Variants in SCIN observed in about 807,000 individuals in gnomAD.
The protein encoded by SCIN is scinderin, also known as adseverin.
SCIN carries 91 observed loss-of-function variants against 91.8 expected under a neutral mutation model. The observed-to-expected ratio is 0.99, with a 90% CI of 0.84 to 1.18. SCIN has a LOEUF of 1.18. Among genes scored for constraint, SCIN ranks in the 50% most tolerant of loss-of-function variants. The pLI is 0.00. For missense variants in SCIN, 1,087 were observed against 863.9 expected, an observed-to-expected ratio of 1.26 and a Z score of -3.24; for synonymous variants, 367 against 312.6, an observed-to-expected ratio of 1.17 and a Z score of -1.84.
At chr7:12,610,848 T>G (rs1405780559) in intron 4 of SCIN, among the ~76,000 whole-genome samples, 1 of 152,180 alleles carries the variant, frequency 6.6e-6, no homozygotes, top group Non-Finnish European at 1.5e-5. Context: ...GTCCCACATA[T>G]TAGGCAGATG....
chr7:12,651,875 T>G lies in SCIN; in HGVS notation c.1994T>G (p.Val665Gly), dbSNP rs780263354. Residue 665 changes from valine (V) to glycine (G), a missense_variant, in exon 15 of 16, where the codon GTT becomes GGT. Val to Gly is a moderately radical substitution (Grantham distance 109, BLOSUM62 -3). Coordinates refer to ENST00000297029, the MANE Select transcript of SCIN (RefSeq NM_001112706.3). The surrounding 1 kb of genome is among the most constrained non-coding windows in gnomAD (Gnocchi z 5.9). ...FIWIGKDANE[V>G]EKKESLKSAK... ...TGGATTGGCAAAGATGCTAATGAAG[T>G]TGAGAAAAAAGAATCTCTGAAGTCT... is the stretch of plus-strand genomic sequence containing the variant. 1 of 1,602,928 alleles carries G rather than the reference T, an allele frequency of 6.2e-7. No individual in the cohort carries two copies. Among genetic ancestry groups the G allele is most frequent in the East Asian group, 2.2e-5 (1 of 44,720 alleles).
chr7:12,648,595 C>A (rs2115302608), intron 13 of SCIN, among the ~76,000 whole-genome samples: 1 of 152,136 alleles, frequency 6.6e-6, no homozygotes, highest in Admixed American at 6.5e-5. Context: ...ACGCCCAGCC[C>A]TATTGACTTT....
chr7:12,605,054 T>C (rs1562610078), intron 4 of SCIN, among the ~76,000 whole-genome samples: 1 of 152,230 alleles, frequency 6.6e-6, no homozygotes, highest in East Asian at 1.9e-4. Context: ...TTTTTTGTTT[T>C]TTTGTTTTTG....
chr7:12,639,412 A>C (rs1783814400), intron 10 of SCIN, among the ~76,000 whole-genome samples: 1 of 152,232 alleles, frequency 6.6e-6, no homozygotes, highest in Admixed American at 6.5e-5. Flanking sequence ...ATGTATATGC[A>C]TGTAATGAGT....
Position 12,588,845 on chromosome 7 carries a change from A to T in SCIN, c.516+7624A>T, listed in dbSNP as rs1295738183. 6.3e-4 allele frequency: 13 copies of T among 20,562 alleles called. 1 individual carries two copies. Among genetic ancestry groups the T allele is most frequent in the African/African-American group, 7.2e-4 (3 of 4,156 alleles). The allele number at this position is 20,562 out of a possible 1,614,324, so 1.3% of individuals were successfully genotyped here. A position where few individuals can be genotyped will look rare whatever the true frequency, so the allele number is the denominator to read the frequency against. On this transcript the variant is annotated intron_variant, in intron 3 of 15. Coordinates refer to ENST00000297029, the MANE Select transcript of SCIN (RefSeq NM_001112706.3). ...GGTGCGGGGGCGGGTGGGAAGGGGG[A>T]GGGGTTCTGGTGCAACTTGTTCCTA...
intron 3 of SCIN, among the ~76,000 whole-genome samples, chr7:12,603,218 C>T (rs1405748587): frequency 6.6e-6 from 1 of 152,042 alleles, no homozygotes; most frequent in Non-Finnish European, 1.5e-5. Context: ...GATCTCCGCT[C>T]ACTGCAAGCT....
Position 12,657,172 on chromosome 7 carries a change from C to T in SCIN, c.*4457C>T, listed in dbSNP as rs1352461632. ...ATCCCACTCCATGGTGTGTACCCAA[C>T]AAAAATGCATACATGTGTGTACTAA... On this transcript the variant is annotated 3_prime_UTR_variant, in exon 16 of 16. Transcript: ENST00000297029. 7.0e-6 allele frequency: 1 copy of T among 143,838 alleles called. No homozygotes were observed. Among genetic ancestry groups the T allele is most frequent in the African/African-American group, 2.6e-5 (1 of 39,178 alleles). 8.9% of individuals were successfully genotyped at this position (143,838 alleles called of 1,614,324 possible).
chr7:12,625,162 A>G lies in SCIN; in HGVS notation c.892+20A>G. 6.3e-7 allele frequency: 1 copy of G among 1,599,348 alleles called. No homozygotes were observed. Among genetic ancestry groups the G allele is most frequent in the Non-Finnish European group, 8.5e-7 (1 of 1,172,644 alleles). ...GGAAAGGTAAAAAATTCCATTGACG[A>G]TGCTGTATTTCAGATTTATAGATAT... On this transcript the variant is annotated intron_variant, in intron 6 of 15. Coordinates refer to ENST00000297029, the MANE Select transcript of SCIN (RefSeq NM_001112706.3).
At chr7:12,652,264 C>T (rs1201833230) in intron 15 of SCIN, among the ~76,000 whole-genome samples, 2 of 152,166 alleles carry the variant, frequency 1.3e-5, no homozygotes, top group Non-Finnish European at 2.9e-5. Flanking sequence ...TTTCCTTTTA[C>T]TGAAACGTAT....
At chr7:12,581,961 T>A (rs1005187140) in intron 3 of SCIN, among the ~76,000 whole-genome samples, 2 of 152,224 alleles carry the variant, frequency 1.3e-5, no homozygotes, top group Non-Finnish European at 2.9e-5. Flanking sequence ...GCAAAAGCAA[T>A]GAAAGCAAGA....
In SCIN at chr7:12,629,108, G is replaced by A. The variant is rs375869092; in HGVS notation, c.1205G>A (p.Arg402His). Residue 402 changes from arginine to histidine, a missense_variant, in exon 9 of 16, where the codon CGT becomes CAT. Arg to His is a conservative substitution (Grantham distance 29). Coordinates refer to ENST00000297029, the MANE Select transcript of SCIN (RefSeq NM_001112706.3). ...ATATTCCATTCCTTCCAGATTTGGC[G>A]TGTAGAAAACAATGGTAGGATCCAA... Reference protein sequence around the residue: ...DDGSGKVEIWRVENNGRIQVD... With the variant: ...DDGSGKVEIWHVENNGRIQVD... 1.6e-4 allele frequency: 256 copies of A among 1,610,988 alleles called. No individual in the cohort carries two copies. Among genetic ancestry groups the A allele is most frequent in the South Asian group, 4.5e-4 (41 of 90,582 alleles).
chr7:12,649,116 CA>C (rs1420497154), intron 13 of SCIN, among the ~76,000 whole-genome samples: 1 of 152,034 alleles, frequency 6.6e-6, no homozygotes, highest in East Asian at 1.9e-4. Flanking sequence ...TAATTATTTG[CA>C]GAAAAAAAGA....
rs1784154944 is a variant in SCIN, at chr7:12,655,842, A to G, written c.*3127A>G. ...TATGCTTGTGTCTCTTCAAACCAAT[A>G]TATTGGCATATTTATCTAATATTTA... On this transcript the variant is annotated 3_prime_UTR_variant, in exon 16 of 16. Transcript: ENST00000297029. 1 of 152,204 alleles carries G rather than the reference A, an allele frequency of 6.6e-6. No individual in the cohort carries two copies. The highest frequency in any genetic ancestry group is 6.5e-5 in the Admixed American group (1 of 15,282). 9.4% of individuals were successfully genotyped at this position (152,204 alleles called of 1,614,324 possible).
At chr7:12,638,156 C>T (rs1783789825) in intron 10 of SCIN, among the ~76,000 whole-genome samples, 2 of 152,308 alleles carry the variant, frequency 1.3e-5, no homozygotes, top group African/African-American at 4.8e-5. Context: ...GTATAACTGA[C>T]ATACAGACTT....
intron 8 of SCIN, among the ~76,000 whole-genome samples, 172 bp from the exon 9 acceptor site, chr7:12,628,929 T>G (rs974958455): frequency 6.6e-6 from 1 of 152,200 alleles, no homozygotes; most frequent in Non-Finnish European, 1.5e-5. Context: ...AGTTAAAATG[T>G]CAATAAATTG....
In SCIN at chr7:12,625,149, A is replaced by C; in HGVS notation, c.892+7A>C. On this transcript the variant is annotated splice_region_variant and intron_variant, in intron 6 of 15. Coordinates refer to ENST00000297029, the MANE Select transcript of SCIN (RefSeq NM_001112706.3). ...CAAATTTTCGTATGGAAAGGTAAAA[A>C]ATTCCATTGACGATGCTGTATTTCA... 1 of 1,606,272 alleles carries C rather than the reference A, an allele frequency of 6.2e-7. No individual in the cohort carries two copies.
Position 12,607,036 on chromosome 7 carries a change from C to T in SCIN, c.666+2373C>T, listed in dbSNP as rs529909552. Among the ~76,000 whole-genome samples, 14 of 152,284 alleles carry T rather than the reference C, an allele frequency of 9.2e-5. No individual in the cohort carries two copies. In the East Asian group the frequency reaches 2.5e-3, roughly 27 times the overall value. ...TTTCTAGTTGACTGTAATCCCTTGT[C>T]TCAATAGCTATGCTTGGATAGAAGC... On this transcript the variant is annotated intron_variant, in intron 4 of 15. Transcript: ENST00000297029.
In SCIN at chr7:12,658,366, G is replaced by A. The variant is rs1784207082; in HGVS notation, c.*5651G>A. 2.6e-5 allele frequency: 4 copies of A among 152,202 alleles called. No individual in the cohort carries two copies. Among genetic ancestry groups the A allele is most frequent in the Admixed American group, 1.3e-4 (2 of 15,278 alleles). The allele number at this position is 152,202 out of a possible 1,614,324, so 9.4% of individuals were successfully genotyped here. A position where few individuals can be genotyped will look rare whatever the true frequency, so the allele number is the denominator to read the frequency against. The stretch of plus-strand genomic sequence containing the variant: ...TAACTCCTTAGAAAGGTCAAAGGAA[G>A]AGGTGAATGTGGGCAGGGTTTCACT... On this transcript the variant is annotated 3_prime_UTR_variant, in exon 16 of 16. Coordinates refer to ENST00000297029, the MANE Select transcript of SCIN (RefSeq NM_001112706.3).
intron 4 of SCIN, among the ~76,000 whole-genome samples, chr7:12,614,082 A>T (rs1359617480): frequency 6.6e-6 from 1 of 152,204 alleles, no homozygotes; most frequent in East Asian, 1.9e-4. Context: ...AAATATATTG[A>T]TTAAAAACAG....
Sources: allele counts gnomAD v4.1 joint callset (sites outside exome capture counted in the v4.1 genomes callset), GRCh38; gene constraint gnomAD v4.1.1; non-coding constraint Gnocchi (gnomAD v3.1); transcripts MANE v1.5; gene names NCBI Gene and HGNC (gene_info 2026-07-23, HGNC 2026-07-21).